The following MYO16 variants were observed in gnomAD, a reference collection of about 807,000 sequenced individuals.
The protein encoded by MYO16 is unconventional myosin-XVI.
A neutral mutation model predicts 205.3 loss-of-function variants in MYO16; 94 were observed. The ratio of observed to expected loss-of-function variants is 0.46; its 90% confidence interval spans 0.39 to 0.54. The LOEUF is 0.54. Among genes scored for constraint, MYO16 ranks in the 20% least tolerant of loss-of-function variants. MYO16 has a pLI of 0.00. For synonymous variants in MYO16, 988 were observed against 954.0 expected (o/e 1.04, Z -0.66); for missense variants, 2,315 against 2,387.5 (o/e 0.97, Z 0.63).
intron 7 of MYO16, among the ~76,000 whole-genome samples, chr13:108,818,711 C>T (rs957965806): frequency 6.6e-6 from 1 of 151,956 alleles, no homozygotes; most frequent in African/African-American, 2.4e-5. Flanking sequence ...AACAGCACAG[C>T]TATTAAAAAG....
the MYO16 span, among the ~76,000 whole-genome samples, chr13:108,558,755 T>C: frequency 6.6e-6 from 1 of 152,212 alleles, no homozygotes; most frequent in Non-Finnish European, 1.5e-5. Context: ...GGTTATGACC[T>C]TGGGATTCAA....
At chr13:108,556,740 C>T in the MYO16 span, among the ~76,000 whole-genome samples, 1 of 152,068 alleles carries the variant, frequency 6.6e-6, no homozygotes, top group African/African-American at 2.4e-5. Context: ...TCTATATTTT[C>T]TTCTAGTTGC....
At chr13:108,500,402 G>A in the MYO16 span, among the ~76,000 whole-genome samples, 1 of 150,944 alleles carries the variant, frequency 6.6e-6, no homozygotes, top group South Asian at 2.1e-4. Flanking sequence ...GCTAATTTTT[G>A]TATTTTTAGT....
Position 108,617,475 on chromosome 13 carries a change from G to A in MYO16, c.-39+21236G>A, listed in dbSNP as rs1879389561. Among the ~76,000 whole-genome samples, 2 of 152,094 alleles carry A rather than the reference G, an allele frequency of 1.3e-5. 1 individual carries two copies. The highest frequency in any genetic ancestry group is 4.1e-4 in the South Asian group (2 of 4,826). ...CAGAGGCTTTTCTGTGTATACCTGA[G>A]TAGTTTTACTCCTCCTCACTATAGC... is the stretch of plus-strand genomic sequence containing the variant. On this transcript the variant is annotated intron_variant, in intron 1 of 24. Coordinates refer to the MYO16 transcript ENST00000251041.
intron 2 of MYO16, among the ~76,000 whole-genome samples, chr13:108,711,003 A>G (rs1199733482): frequency 6.6e-6 from 1 of 152,216 alleles, no homozygotes; most frequent in East Asian, 1.9e-4. Flanking sequence ...TTCTCATGAA[A>G]GGGATTTTAA....
intron 7 of MYO16, 61 bp from the exon 8 acceptor site, chr13:108,820,276 T>A: frequency 8.1e-7 from 1 of 1,234,462 alleles, no homozygotes; most frequent in Non-Finnish European, 1.2e-6. Flanking sequence ...GTGTATGACT[T>A]ACTGATGTAT....
At chr13:108,681,312 A>C (rs1882452799) in intron 2 of MYO16, among the ~76,000 whole-genome samples, 1 of 152,196 alleles carries the variant, frequency 6.6e-6, no homozygotes, top group South Asian at 2.1e-4. Flanking sequence ...AAGGAGTTTC[A>C]GTAAAAGGCT....
At chr13:109,155,352 G>C (rs1026413151) in intron 32 of MYO16, among the ~76,000 whole-genome samples, 1 of 152,100 alleles carries the variant, frequency 6.6e-6, no homozygotes, top group Admixed American at 6.5e-5. Context: ...TAAAACATAA[G>C]TTCAAGAGGA....
intron 2 of MYO16, among the ~76,000 whole-genome samples, chr13:108,711,629 G>A (rs1883726716): frequency 6.6e-6 from 1 of 152,226 alleles, no homozygotes; most frequent in Non-Finnish European, 1.5e-5. Context: ...GCTGCCTTCT[G>A]TGATATGCAG....
chr13:108,635,029 C>A (rs1356995466), intron 1 of MYO16, among the ~76,000 whole-genome samples: 1 of 150,056 alleles, frequency 6.7e-6, no homozygotes, highest in African/African-American at 2.5e-5. Flanking sequence ...ATTTATTAAA[C>A]CATCTATTTA....
chr13:108,825,311 T>C (rs1873283968), intron 9 of MYO16, among the ~76,000 whole-genome samples: 1 of 151,932 alleles, frequency 6.6e-6, no homozygotes, highest in Non-Finnish European at 1.5e-5. Context: ...TCTCAATATA[T>C]GCAGAAAAAG....
chr13:109,154,774 C>T (rs926293687), intron 32 of MYO16, among the ~76,000 whole-genome samples: 7 of 151,932 alleles, frequency 4.6e-5, no homozygotes, highest in East Asian at 3.9e-4. Flanking sequence ...CCTGGATTTA[C>T]GTTACCACCT....
intron 7 of MYO16, among the ~76,000 whole-genome samples, chr13:108,816,217 A>G (rs1875591272): frequency 2.0e-5 from 3 of 152,198 alleles, no homozygotes; most frequent in Admixed American, 2.0e-4. Flanking sequence ...AACTTTGAGT[A>G]GATAAAAATA....
At chr13:108,948,240 G>A (rs905067363) in intron 16 of MYO16, among the ~76,000 whole-genome samples, 4 of 152,212 alleles carry the variant, frequency 2.6e-5, no homozygotes, top group Admixed American at 6.5e-5. Flanking sequence ...TGCCTTATTT[G>A]GCTTCTGTTT....
chr13:109,009,032 T>C lies in MYO16; in HGVS notation c.2578T>C (p.Leu860=). 6.3e-7 allele frequency: 1 copy of C among 1,592,094 alleles called. No homozygotes were observed. ...AYSPGNQNGV[L]DFFFQKPSGF... ...TTCTCCTGGTAACCAGAATGGAGTT[T>C]TGGACTTTTTTTTCCAGGTATTCAT... The change falls in exon 22 of 35, where the codon TTG becomes CTG. Residue 860 remains leucine (L), a synonymous_variant. Transcript: ENST00000457511.
At chr13:109,022,687 CATGTAT>C (rs1283888051) in intron 23 of MYO16, among the ~76,000 whole-genome samples, 2,101 of 109,712 alleles carry the variant, frequency 0.019, 158 homozygotes, top group Middle Eastern at 0.026. Context: ...CACATATAAA[CATGTAT>C]ATATTTATAT....
the MYO16 span, among the ~76,000 whole-genome samples, chr13:108,543,849 T>C: frequency 1.3e-5 from 2 of 149,186 alleles, no homozygotes; most frequent in Admixed American, 1.3e-4. Context: ...GTGGATCACC[T>C]GAGGTCAGGA....
intron 16 of MYO16, among the ~76,000 whole-genome samples, chr13:108,951,454 C>T (rs936789141): frequency 5.3e-5 from 8 of 152,286 alleles, no homozygotes; most frequent in Admixed American, 2.6e-4. Context: ...GTTGGCTGGA[C>T]GCCTTCCCCA....
At chr13:109,027,296 G>A (rs533418963) in intron 23 of MYO16, among the ~76,000 whole-genome samples, 60 of 152,146 alleles carry the variant, frequency 3.9e-4, no homozygotes, top group African/African-American at 1.2e-3. Context: ...CAGCCGGACC[G>A]CATCTTAATT....
Sources: allele counts gnomAD v4.1 joint callset (sites outside exome capture counted in the v4.1 genomes callset), GRCh38; gene constraint gnomAD v4.1.1; transcripts MANE v1.5; gene names NCBI Gene and HGNC (gene_info 2026-07-23, HGNC 2026-07-21).